The following THEMIS variants were observed in gnomAD, a reference collection of about 807,000 sequenced individuals.
THEMIS encodes thymocyte selection associated.
A neutral mutation model predicts 52.6 loss-of-function variants in THEMIS; 37 were observed. The ratio of observed to expected loss-of-function variants is 0.70; its 90% CI spans 0.54 to 0.93. The LOEUF (loss-of-function observed/expected upper bound fraction) is 0.93, where lower values mean the gene tolerates loss of function less well. THEMIS is among the 40% of genes least tolerant of loss of function. The probability of loss-of-function intolerance (pLI) is 0.00; values close to 1 mark genes in which losing one functional copy is unlikely to be tolerated. For synonymous variants in THEMIS, 292 were observed against 272.7 expected, an observed-to-expected ratio of 1.07 and a Z score of -0.70; for missense variants, 808 against 763.1, an observed-to-expected ratio of 1.06 and a Z score of -0.69.
intron 4 of THEMIS, among the ~76,000 whole-genome samples, chr6:127,771,078 A>G (rs1251263344): frequency 6.6e-6 from 1 of 152,194 alleles, no homozygotes; most frequent in Non-Finnish European, 1.5e-5. Context: ...GCAAAGTCTC[A>G]GGATACAAAA....
upstream of THEMIS, among the ~76,000 whole-genome samples, chr6:127,903,664 A>C (rs1228546207): frequency 6.6e-6 from 1 of 151,860 alleles, no homozygotes; most frequent in African/African-American, 2.4e-5. Flanking sequence ...AATTGAAGGA[A>C]AAAACTAATA....
At chr6:127,773,741 C>T (rs1387714874) in intron 4 of THEMIS, among the ~76,000 whole-genome samples, 1 of 151,902 alleles carries the variant, frequency 6.6e-6, no homozygotes, top group Non-Finnish European at 1.5e-5. Flanking sequence ...ATATTGGTGG[C>T]TACCGAAAAT....
intron 4 of THEMIS, among the ~76,000 whole-genome samples, chr6:127,753,149 A>G (rs113974576): frequency 2.6e-5 from 4 of 152,104 alleles, no homozygotes; most frequent in African/African-American, 9.6e-5. Flanking sequence ...AATTAGGTGT[A>G]AAAGGAACAT....
At chr6:127,757,331 A>G (rs1261794153) in intron 4 of THEMIS, among the ~76,000 whole-genome samples, 1 of 152,214 alleles carries the variant, frequency 6.6e-6, no homozygotes, top group Admixed American at 6.5e-5. Flanking sequence ...AAAATGTGAT[A>G]ATCTCTAGAG....
chr6:127,822,402 G>C (rs543417118), intron 3 of THEMIS, among the ~76,000 whole-genome samples: 2 of 152,054 alleles, frequency 1.3e-5, no homozygotes, highest in South Asian at 4.1e-4. Flanking sequence ...TGGTTCATCT[G>C]CTGTCCATAT....
At chr6:127,714,750 A>G (rs1308956252) in intron 5 of THEMIS, among the ~76,000 whole-genome samples, 6 of 151,908 alleles carry the variant, frequency 3.9e-5, no homozygotes, top group African/African-American at 1.4e-4. Flanking sequence ...ACCTCATGGA[A>G]TAGTTTCCCA....
At chr6:127,717,735 C>G (rs1464847700) in intron 5 of THEMIS, among the ~76,000 whole-genome samples, 1 of 151,730 alleles carries the variant, frequency 6.6e-6, no homozygotes, top group Non-Finnish European at 1.5e-5. Context: ...TGAAAAGGTT[C>G]CACCCCATGT....
chr6:127,861,783 C>CAAAA (rs1225783673), intron 1 of THEMIS, among the ~76,000 whole-genome samples: 89 of 95,684 alleles, frequency 9.3e-4, no homozygotes, highest in African/African-American at 2.1e-3. Flanking sequence ...GACTCCATCT[C>CAAAA]AAAAAAAAAA....
intron 4 of THEMIS, among the ~76,000 whole-genome samples, chr6:127,787,609 T>G (rs933564513): frequency 1.3e-5 from 2 of 152,196 alleles, no homozygotes; most frequent in Non-Finnish European, 2.9e-5. Flanking sequence ...TGGGATCTGT[T>G]TTTTGAATGT....
At chr6:127,760,791 GA>G (rs898265994) in intron 4 of THEMIS, among the ~76,000 whole-genome samples, 2 of 151,316 alleles carry the variant, frequency 1.3e-5, no homozygotes, top group Non-Finnish European at 2.9e-5. Context: ...AAGAGAGGGA[GA>G]AAAAAAAGAA....
chr6:127,775,756 C>A (rs1280062175), intron 4 of THEMIS, among the ~76,000 whole-genome samples: 1 of 151,706 alleles, frequency 6.6e-6, no homozygotes, highest in Non-Finnish European at 1.5e-5. Context: ...TATCTGGCTT[C>A]TTTGGCTAAG....
intron 4 of THEMIS, among the ~76,000 whole-genome samples, chr6:127,724,844 CA>C (rs546691495): frequency 6.6e-6 from 1 of 150,894 alleles, no homozygotes; most frequent in Non-Finnish European, 1.5e-5. Context: ...AAGATGTCCA[CA>C]AAAAAAAATT....
chr6:127,782,907 C>G (rs950246494), intron 4 of THEMIS, among the ~76,000 whole-genome samples: 4 of 152,242 alleles, frequency 2.6e-5, no homozygotes, highest in South Asian at 4.2e-4. Flanking sequence ...TCATATGGAA[C>G]CAAAATAGAA....
chr6:127,791,410 G>C (rs1777151822), intron 4 of THEMIS, among the ~76,000 whole-genome samples: 3 of 152,146 alleles, frequency 2.0e-5, no homozygotes, highest in Admixed American at 6.5e-5. Context: ...CCTTTCTGTA[G>C]GCAGGCCATC....
chr6:127,706,577 AG>A (rs1365881771), downstream of THEMIS, among the ~76,000 whole-genome samples: 2 of 152,184 alleles, frequency 1.3e-5, no homozygotes. Context: ...TCCTGCCTTC[AG>A]GGGGTTTACA....
At chr6:127,886,832 G>A (rs1780661595) in intron 1 of THEMIS, among the ~76,000 whole-genome samples, 1 of 152,056 alleles carries the variant, frequency 6.6e-6, no homozygotes, top group South Asian at 2.1e-4. Context: ...TTCCTTTGCT[G>A]ACTATCTTTT....
intron 4 of THEMIS, among the ~76,000 whole-genome samples, chr6:127,735,236 G>T (rs1051352981): frequency 2.0e-5 from 3 of 151,846 alleles, no homozygotes; most frequent in African/African-American, 7.3e-5. Flanking sequence ...AAATGAATGC[G>T]GGGCGTCTAA....
At chr6:127,773,265 C>A (rs1776447170) in intron 4 of THEMIS, among the ~76,000 whole-genome samples, 1 of 152,042 alleles carries the variant, frequency 6.6e-6, no homozygotes, top group African/African-American at 2.4e-5. Context: ...TTTAGAGTAC[C>A]AGCTTATTAA....
chr6:127,885,783 T>C (rs532276824), intron 1 of THEMIS, among the ~76,000 whole-genome samples: 2 of 152,280 alleles, frequency 1.3e-5, no homozygotes, highest in South Asian at 2.1e-4. Flanking sequence ...CATCATACTT[T>C]TGGGCTGAGT....
Sources: allele counts gnomAD v4.1 joint callset (sites outside exome capture counted in the v4.1 genomes callset), GRCh38; gene constraint gnomAD v4.1.1; transcripts MANE v1.5; gene names NCBI Gene and HGNC (gene_info 2026-07-23, HGNC 2026-07-21).